PPL: variants seen among roughly 807,000 people sequenced by gnomAD.
PPL encodes the protein 190 kDa paraneoplastic pemphigus antigen.
In PPL, 198 loss-of-function variants were observed where a neutral mutation model predicts 194.4. The observed-to-expected ratio is 1.02, with a 90% confidence interval of 0.91 to 1.15. The LOEUF (loss-of-function observed/expected upper bound fraction) is 1.15. PPL is among the 50% of genes most tolerant of loss of function. PPL has a pLI of 0.00. For synonymous variants in PPL, 1,220 were observed against 972.4 expected (o/e 1.25, Z -4.74); for missense variants, 2,885 against 2,294.8 (o/e 1.26, Z -5.25).
chr16:4,901,843 G>C (rs778910740), intron 4 of PPL, among the ~76,000 whole-genome samples: 1 of 151,992 alleles, frequency 6.6e-6, no homozygotes, highest in Non-Finnish European at 1.5e-5. Flanking sequence ...GGGAGGCTGA[G>C]GTGGGAGGAT....
At position 4,883,111 on chromosome 16, in the gene PPL, T is replaced by G. The variant is rs190067236; in HGVS notation, c.*273A>C. 4 of 429,430 alleles carry G rather than the reference T, an allele frequency of 9.3e-6. No individual in the cohort carries two copies. Among genetic ancestry groups the G allele is most frequent in the Non-Finnish European group, 1.3e-5 (3 of 236,056 alleles). The allele number at this position is 429,430 out of a possible 1,614,324, so 26.6% of individuals were successfully genotyped here. ...ATCATGAGGAGTTTGTTGCTGGGAG[T>G]GTACAGGAAAAGGGAGGAAAAGGCA... On this transcript the variant is annotated 3_prime_UTR_variant, in exon 22 of 22. Coordinates refer to ENST00000345988, the MANE Select transcript of PPL (RefSeq NM_002705.5). This position sits in a 1 kb window ranked among gnomAD's most constrained non-coding sequence, Gnocchi z 4.8.
intron 20 of PPL, 144 bp downstream of exon 20, chr16:4,887,952 TACCAAA>T: frequency 1.6e-6 from 1 of 642,898 alleles, no homozygotes. Context: ...CCTCATCTCT[TACCAAA>T]CCTGTTTGCA....
Position 4,894,452 on chromosome 16 carries a change from C to A in PPL, c.1394+15G>T, listed in dbSNP as rs1382606185. ...TGGGACTGGTCCATGCAGACTCCCG[C>A]CTTTGCCCTTGTACCTGTCAGCCAG... On this transcript the variant is annotated intron_variant, in intron 12 of 21. Coordinates refer to ENST00000345988, the MANE Select transcript of PPL (RefSeq NM_002705.5). The A allele has an allele frequency of 6.2e-7, 1 of 1,613,302 alleles. No individual in the cohort carries two copies. Among genetic ancestry groups the A allele is most frequent in the Non-Finnish European group, 8.5e-7 (1 of 1,179,806 alleles).
At chr16:4,920,345 G>GAAAGAAAGAAAGAAAGAA (rs1555523880) in intron 1 of PPL, among the ~76,000 whole-genome samples, 6 of 25,076 alleles carry the variant, frequency 2.4e-4, no homozygotes, top group Non-Finnish European at 1.0e-3. Context: ...GAGAGAGAGA[G>GAAAGAAAGAAAGAAAGAA]AGAAAGAAAG....
Position 4,884,828 on chromosome 16 carries a change from A to G in PPL, c.3827T>C (p.Ile1276Thr), listed in dbSNP as rs1596541727. The G allele has an allele frequency of 1.9e-6, 3 of 1,613,750 alleles. No individual in the cohort carries two copies. The East Asian group carries it at 6.7e-5, about 36-fold the overall frequency. The change falls in exon 22 of 22, where the codon ATC (isoleucine) becomes ACC (threonine). Residue 1276 changes from isoleucine (I) to threonine (T), a missense_variant. Coordinates refer to ENST00000345988, the MANE Select transcript of PPL (RefSeq NM_002705.5). The surrounding 1 kb of genome is among the most constrained non-coding windows in gnomAD (Gnocchi z 5.7). ...DLEIYQLKKE[I>T]QALKDTKPQV... is the part of the protein sequence containing the mutation. The stretch of plus-strand genomic sequence containing the variant: ...GGGTTTGGTGTCTTTCAGGGCCTGG[A>G]TTTCCTTTTTCAGCTGGTAGATCTC...
At chr16:4,895,439 G>A (rs199697479) in intron 10 of PPL, 32 bp from the exon 11 acceptor site, 1 of 1,608,626 alleles carries the variant, frequency 6.2e-7, no homozygotes, top group East Asian at 2.2e-5. Context: ...GCCCAGGTGA[G>A]ACCAACAGCC....
chr16:4,895,132 G>C, intron 11 of PPL, 129 bp downstream of exon 11: 3 of 1,210,376 alleles, frequency 2.5e-6, no homozygotes, highest in Non-Finnish European at 3.3e-6. Context: ...CCAGGGGAAG[G>C]GTTGGCAGAG....
chr16:4,928,666 T>C (rs979344941), intron 1 of PPL, among the ~76,000 whole-genome samples: 1 of 152,188 alleles, frequency 6.6e-6, no homozygotes, highest in African/African-American at 2.4e-5. Flanking sequence ...GATTCCAAGT[T>C]TGTACCACAA....
intron 3 of PPL, among the ~76,000 whole-genome samples, chr16:4,903,078 GAA>G (rs980285393): frequency 6.6e-6 from 1 of 152,214 alleles, no homozygotes; most frequent in African/African-American, 2.4e-5. Flanking sequence ...GAATAAGCAG[GAA>G]AGATCTTGTT....
chr16:4,893,489 C>T (rs2088359646), intron 13 of PPL, 52 bp downstream of exon 13: 6 of 1,601,284 alleles, frequency 3.7e-6, no homozygotes, highest in African/African-American at 1.3e-5. Context: ...CCTGGTCCAG[C>T]CCCTCCTCCC....
chr16:4,889,834 C>T (rs918463064), intron 18 of PPL, among the ~76,000 whole-genome samples: 5 of 152,172 alleles, frequency 3.3e-5, no homozygotes, highest in South Asian at 2.1e-4. Flanking sequence ...CAAGGCACTG[C>T]GTTGGGCATG....
At chr16:4,887,019 G>T (rs2088229638) in intron 21 of PPL, 116 bp downstream of exon 21, 1 of 888,348 alleles carries the variant, frequency 1.1e-6, no homozygotes, top group Non-Finnish European at 1.8e-6. Flanking sequence ...GCCCTGCCCA[G>T]AAACGTTAGC....
chr16:4,924,089 G>C (rs539785623), intron 1 of PPL, among the ~76,000 whole-genome samples: 14 of 152,170 alleles, frequency 9.2e-5, no homozygotes, highest in Non-Finnish European at 2.1e-4. Flanking sequence ...CAGGAGTTCA[G>C]GTATTAAGTT....
At chr16:4,901,742 C>T (rs1350299824) in intron 4 of PPL, among the ~76,000 whole-genome samples, 1 of 150,318 alleles carries the variant, frequency 6.7e-6, no homozygotes, top group African/African-American at 2.5e-5. Context: ...GAGTTTGAGA[C>T]CAGCCTGGCC....
rs1355493398 is a variant in PPL at position 4,885,780 on chromosome 16, C to T, written c.2875G>A (p.Glu959Lys). ...AGCAGCTGGTTCTTGTGCTGCTCCT[C>T]TGCCAGCGTCCGCTGCAGCTGCTGG... ...SFQQLQRTLA[E>K]EQHKNQLLQE... Residue 959 changes from glutamate to lysine, a missense_variant, in exon 22 of 22, where the codon GAG (glutamate) becomes AAG (lysine). Transcript: ENST00000345988. The surrounding 1 kb of genome is among the most constrained non-coding windows in gnomAD (Gnocchi z 6.3). 1 of 1,610,782 alleles carries T rather than the reference C, an allele frequency of 6.2e-7. No homozygotes were observed. Among genetic ancestry groups the T allele is most frequent in the Admixed American group, 1.7e-5 (1 of 60,028 alleles).
Position 4,891,879 on chromosome 16 carries a change from G to A in PPL, c.1900C>T (p.His634Tyr). ...GGCACTGTGTCATCCTGATTCAGATGGTTCTCGTGTGTGGCCAGCAACTCC... is the reference window on the plus strand; with the variant it reads ...GGCACTGTGTCATCCTGATTCAGATAGTTCTCGTGTGTGGCCAGCAACTCC... ...SWELLATHEN[H>Y]LNQDDTVPES... is the part of the protein sequence containing the mutation. Residue 634 changes from histidine (H) to tyrosine (Y), a missense_variant, in exon 16 of 22, where the codon CAT becomes TAT. By Grantham distance (83) the His-to-Tyr change is moderately conservative. Coordinates refer to ENST00000345988, the MANE Select transcript of PPL (RefSeq NM_002705.5). The A allele has an allele frequency of 6.2e-7, 1 of 1,613,584 alleles. No homozygotes were observed.
At chr16:4,905,115 G>C (rs1266900564) in intron 2 of PPL, among the ~76,000 whole-genome samples, 1 of 152,178 alleles carries the variant, frequency 6.6e-6, no homozygotes, top group Non-Finnish European at 1.5e-5. Context: ...GTCACTGAGG[G>C]GAATGAGTGC....
intron 1 of PPL, among the ~76,000 whole-genome samples, chr16:4,922,738 C>A (rs1267461508): frequency 6.6e-6 from 1 of 151,918 alleles, no homozygotes; most frequent in East Asian, 1.9e-4. Context: ...AATCCTCCAG[C>A]ACCTGGGAGA....
At chr16:4,903,855 T>TC in intron 3 of PPL, 31 bp downstream of exon 3, 1 of 1,610,414 alleles carries the variant, frequency 6.2e-7, no homozygotes, top group Non-Finnish European at 8.5e-7. Context: ...CCCCAATGGC[T>TC]CCCCTGGGGT....
Sources: gnomAD v4.1 joint callset for allele counts (sites outside exome capture counted in the v4.1 genomes callset) on GRCh38, gnomAD v4.1.1 for gene constraint, Gnocchi (gnomAD v3.1) non-coding constraint, MANE v1.5 for transcripts, NCBI Gene and HGNC (gene_info 2026-07-23, HGNC 2026-07-21) for gene names.